The following TET2 variants were observed in gnomAD, a reference collection of about 807,000 sequenced individuals.
The protein encoded by TET2 is methylcytosine dioxygenase TET2.
A neutral mutation model predicts 142.9 loss-of-function variants in TET2; 299 were observed. The ratio of observed to expected loss-of-function variants is 2.09; its 90% CI spans 1.90 to 2.30. The LOEUF (loss-of-function observed/expected upper bound fraction) is 2.30. Among genes scored for constraint, TET2 ranks in the 30% most tolerant of loss-of-function variants. The pLI is 0.00. For synonymous variants in TET2, 819 were observed against 849.0 expected, an observed-to-expected ratio of 0.96 and a Z score of 0.61; for missense variants, 2,418 against 2,378.0, an observed-to-expected ratio of 1.02 and a Z score of -0.35.
Position 105,234,354 on chromosome 4 carries a change from C to T in TET2, c.412C>T (p.Gln138Ter), listed in dbSNP as rs1560540720. The T allele has an allele frequency of 6.2e-7, 1 of 1,614,032 alleles. No homozygotes were observed. Among genetic ancestry groups the T allele is most frequent in the Non-Finnish European group, 8.5e-7 (1 of 1,179,996 alleles). ...AGAAAGAAATCCAGGTGAAAGCAGT[C>T]AACCAAATGTCTCCGATTTGAGTGA... ...SQERNPGESS[Q>*]PNVSDLSDKK... Residue 138 changes from glutamine (Q) to a stop codon, truncating the protein, a stop_gained, in exon 3 of 11, where the codon CAA (glutamine) becomes TAA (stop). Coordinates refer to ENST00000380013, the MANE Select transcript of TET2 (RefSeq NM_001127208.3). LOFTEE classifies it high-confidence loss of function.
intron 3 of TET2, chr4:105,240,536 C>G: frequency 3.7e-6 from 4 of 1,078,894 alleles, no homozygotes; most frequent in Non-Finnish European, 4.6e-6. Context: ...TTCCCTCTTG[C>G]AATGAGATAC....
chr4:105,259,564 G>A (rs922009502), intron 6 of TET2, 55 bp from the exon 7 acceptor site: 3 of 1,508,894 alleles, frequency 2.0e-6, no homozygotes, highest in Non-Finnish European at 2.7e-6. Context: ...AATATCAGCT[G>A]CACAGCCTAT....
Position 105,275,142 on chromosome 4 carries a change from C to A in TET2, c.4632C>A (p.Pro1544=), listed in dbSNP as rs1560572956. ...QPPQPQQQQR[P]QQQQPHHPQT... ...CACAGCCCCAGCAGCAGCAGAGACC[C>A]CAGCAGCAGCAGCCACATCACCCTC... is the stretch of plus-strand genomic sequence containing the variant. The change falls in exon 11 of 11, where the codon CCC becomes CCA. Residue 1544 remains proline, a synonymous_variant. Transcript: ENST00000380013. The A allele has an allele frequency of 6.4e-7, 1 of 1,551,748 alleles. No individual in the cohort carries two copies. Among genetic ancestry groups the A allele is most frequent in the East Asian group, 2.4e-5 (1 of 40,920 alleles).
At chr4:105,242,035 G>T (rs1417563901) in intron 4 of TET2, 2 of 1,237,084 alleles carry the variant, frequency 1.6e-6, no homozygotes, top group Non-Finnish European at 2.0e-6. Flanking sequence ...TGCAGAGAAG[G>T]CCTTTCATAT....
intron 10 of TET2, among the ~76,000 whole-genome samples, chr4:105,274,522 A>G (rs924783722): frequency 6.6e-6 from 1 of 152,218 alleles, no homozygotes; most frequent in Non-Finnish European, 1.5e-5. Context: ...ATGCCAGGCA[A>G]TGAAGAAGTA....
chr4:105,170,420 G>A (rs535717712), intron 1 of TET2, among the ~76,000 whole-genome samples: 3 of 152,184 alleles, frequency 2.0e-5, no homozygotes, highest in South Asian at 4.2e-4. Context: ...CAAAAGTTTG[G>A]GGTTGTAGTG....
intron 8 of TET2, among the ~76,000 whole-genome samples, chr4:105,262,219 T>G (rs1237269311): frequency 2.0e-5 from 3 of 152,158 alleles, no homozygotes; most frequent in Non-Finnish European, 2.9e-5. Flanking sequence ...TAAATGAGTA[T>G]TCATAAGAAT....
chr4:105,198,942 A>AT (rs533019191), intron 2 of TET2, among the ~76,000 whole-genome samples: 8 of 151,230 alleles, frequency 5.3e-5, no homozygotes, highest in Non-Finnish European at 7.4e-5. Context: ...TGATACTTAC[A>AT]TTTTTTTTTC....
At chr4:105,179,786 G>A (rs1182697039) in intron 1 of TET2, among the ~76,000 whole-genome samples, 1 of 152,180 alleles carries the variant, frequency 6.6e-6, no homozygotes, top group Non-Finnish European at 1.5e-5. Flanking sequence ...GCACATGTTT[G>A]AGGGAAGATT....
intron 1 of TET2, among the ~76,000 whole-genome samples, chr4:105,151,120 A>T (rs947718787): frequency 6.6e-6 from 1 of 151,986 alleles, no homozygotes; most frequent in Non-Finnish European, 1.5e-5. Context: ...GGAGTTTGAA[A>T]CCACCCTGGG....
In TET2 at chr4:105,235,253, C is replaced by A. The variant is rs1361758201; in HGVS notation, c.1311C>A (p.Tyr437Ter). 1 of 1,614,116 alleles carries A rather than the reference C, an allele frequency of 6.2e-7. No individual in the cohort carries two copies. The highest frequency in any genetic ancestry group is 1.1e-5 in the South Asian group (1 of 91,086). ...NGGVLEEHHH[Y>*]PNQSNTTLLR... is the part of the protein sequence containing the mutation. ...GAGTTTTAGAAGAACACCACCACTACCCCAACCAAAGTAACACAACACTTT... is the reference window on the plus strand; with the variant it reads ...GAGTTTTAGAAGAACACCACCACTAACCCAACCAAAGTAACACAACACTTT... The change falls in exon 3 of 11, where the codon TAC becomes TAA. Residue 437 changes from tyrosine to a stop codon, truncating the protein, a stop_gained. Transcript: ENST00000380013. LOFTEE classifies it high-confidence loss of function.
intron 2 of TET2, among the ~76,000 whole-genome samples, chr4:105,216,246 T>G (rs1220087844): frequency 6.6e-6 from 1 of 152,134 alleles, no homozygotes; most frequent in Non-Finnish European, 1.5e-5. Flanking sequence ...AAGGAATGTT[T>G]TATACATGTT....
intron 1 of TET2, among the ~76,000 whole-genome samples, chr4:105,168,571 CT>C (rs976310308): frequency 2.6e-4 from 39 of 151,638 alleles, no homozygotes; most frequent in African/African-American, 9.2e-4. Flanking sequence ...TATTTTCTCT[CT>C]TTTTTTTTAA....
chr4:105,279,114 T>C lies in TET2; in HGVS notation c.*2595T>C. On this transcript the variant is annotated 3_prime_UTR_variant, in exon 11 of 11. Coordinates refer to ENST00000380013, the MANE Select transcript of TET2 (RefSeq NM_001127208.3). ...GCAAACATTTCCAAAAATGTTTGCT[T>C]TGCTTACAAACCACATGATTTTAAT... The C allele has an allele frequency of 4.3e-6, 1 of 232,834 alleles. No homozygotes were observed. The highest frequency in any genetic ancestry group is 8.5e-6 in the Non-Finnish European group (1 of 117,800). The allele number at this position is 232,834 out of a possible 1,614,324, so 14.4% of individuals were successfully genotyped here. A position where few individuals can be genotyped will look rare whatever the true frequency, so the allele number is the denominator to read the frequency against.
rs901037277 is a variant in TET2 at position 105,241,973 on chromosome 4, A to G, written c.3500+544A>G. 1.9e-5 allele frequency: 23 copies of G among 1,243,192 alleles called. No homozygotes were observed. The South Asian group carries it at 5.1e-4, about 28-fold the overall frequency. 77.0% of individuals were successfully genotyped at this position (1,243,192 alleles called of 1,614,324 possible). ...TTTTTTCGCTATCAATCACAGGTAT[A>G]CAAGTACTTGCCTTTACTCCTGCAT... On this transcript the variant is annotated intron_variant, in intron 4 of 10. Transcript: ENST00000380013.
chr4:105,268,578 A>G (rs1730803267), intron 8 of TET2, among the ~76,000 whole-genome samples: 1 of 152,216 alleles, frequency 6.6e-6, no homozygotes, highest in South Asian at 2.1e-4. Context: ...AGGACTTGGA[A>G]TAGTCAAATA....
intron 2 of TET2, among the ~76,000 whole-genome samples, chr4:105,204,273 A>G (rs1374691368): frequency 7.0e-6 from 1 of 143,714 alleles, no homozygotes; most frequent in Non-Finnish European, 1.5e-5. Context: ...ACACACATAC[A>G]TACATACATT....
At position 105,235,922 on chromosome 4, in the gene TET2, G is replaced by T. The variant is rs1166590266; in HGVS notation, c.1980G>T (p.Val660=). The T allele has an allele frequency of 6.2e-7, 1 of 1,614,098 alleles. No homozygotes were observed. The highest frequency in any genetic ancestry group is 8.5e-7 in the Non-Finnish European group (1 of 1,180,012). ...AGTTCCAAAAACCCTCACACCAGGT[G>T]CACTTCTCCAAAACAGACCATTTAC... is the stretch of plus-strand genomic sequence containing the variant. ...HLQFQKPSHQ[V]HFSKTDHLPK... Residue 660 remains valine, a synonymous_variant, in exon 3 of 11, where the codon GTG becomes GTT. Coordinates refer to ENST00000380013, the MANE Select transcript of TET2 (RefSeq NM_001127208.3).
At chr4:105,150,104 T>G (rs1723226388) in intron 1 of TET2, among the ~76,000 whole-genome samples, 1 of 152,234 alleles carries the variant, frequency 6.6e-6, no homozygotes, top group Non-Finnish European at 1.5e-5. Context: ...TAAGAAGCCC[T>G]TCTTATGATT....
Sources: allele counts gnomAD v4.1 joint callset (sites outside exome capture counted in the v4.1 genomes callset), GRCh38; gene constraint gnomAD v4.1.1; transcripts MANE v1.5; gene names NCBI Gene and HGNC (gene_info 2026-07-23, HGNC 2026-07-21).